Variants in LRRC8C observed in about 807,000 individuals in gnomAD.
The protein encoded by LRRC8C is leucine rich repeat containing 8 VRAC subunit C.
LRRC8C carries 20 observed loss-of-function variants against 55.3 expected under a neutral mutation model. That is an observed-to-expected ratio of 0.36 (90% confidence interval 0.25 to 0.53). The LOEUF is 0.53. Ranked by LOEUF, LRRC8C falls within the 20% of genes least tolerant of loss-of-function variation. The pLI is 0.92. For synonymous variants in LRRC8C, 376 were observed against 360.7 expected, an observed-to-expected ratio of 1.04 and a Z score of -0.48; for missense variants, 659 against 951.4, an observed-to-expected ratio of 0.69 and a Z score of 4.04.
chr1:89,713,822 C>A lies in LRRC8C; in HGVS notation c.1252C>A (p.Leu418Ile). Residue 418 changes from leucine (L) to isoleucine (I), a missense_variant, in exon 3 of 3, where the codon CTA becomes ATA. By Grantham distance (5) the Leu-to-Ile change is conservative. Around this residue, in one of 5 missense-constraint regions of LRRC8C, gnomAD observed 344 missense variants for 464.6 expected, o/e 0.74. Coordinates refer to ENST00000370454, the MANE Select transcript of LRRC8C (RefSeq NM_032270.5). The surrounding 1 kb of genome is among the most constrained non-coding windows in gnomAD (Gnocchi z 5.2). ...EWTPDKLRQKLQTNAHNRLEL... is the reference protein window; with the variant it reads ...EWTPDKLRQKIQTNAHNRLEL... ...GACTCCTGATAAACTGAGGCAGAAG[C>A]TACAGACAAATGCCCATAATCGACT... is the stretch of plus-strand genomic sequence containing the variant. The A allele has an allele frequency of 6.2e-7, 1 of 1,614,186 alleles. No individual in the cohort carries two copies.
chr1:89,652,570 C>A (rs1396392490), intron 1 of LRRC8C, among the ~76,000 whole-genome samples: 2 of 152,146 alleles, frequency 1.3e-5, no homozygotes, highest in East Asian at 3.8e-4. Context: ...AATCAGATAA[C>A]CCCTTATGAT....
At position 89,713,539 on chromosome 1, in the gene LRRC8C, T is replaced by C; in HGVS notation, c.969T>C (p.Tyr323=). 6.2e-7 allele frequency: 1 copy of C among 1,614,190 alleles called. No individual in the cohort carries two copies. Among genetic ancestry groups the C allele is most frequent in the Non-Finnish European group, 8.5e-7 (1 of 1,180,020 alleles). Residue 323 remains tyrosine, a synonymous_variant, in exon 3 of 3, where the codon TAT becomes TAC. Coordinates refer to ENST00000370454, the MANE Select transcript of LRRC8C (RefSeq NM_032270.5). This position sits in a 1 kb window ranked among gnomAD's most constrained non-coding sequence, Gnocchi z 5.2. The part of the protein sequence containing the change: ...AHLFSKLSFC[Y]LCFVSIYGLT... The stretch of plus-strand genomic sequence containing the variant: ...TGTTCTCAAAACTGTCCTTTTGCTA[T>C]CTGTGCTTTGTTAGTATCTATGGAT...
At chr1:89,675,425 A>G (rs1353526107) in intron 1 of LRRC8C, among the ~76,000 whole-genome samples, 4 of 152,256 alleles carry the variant, frequency 2.6e-5, no homozygotes, top group South Asian at 4.1e-4. Context: ...TTCCCCGCAC[A>G]TGGCTTTGCC....
chr1:89,676,793 A>T (rs1427297755), intron 1 of LRRC8C, among the ~76,000 whole-genome samples: 1 of 152,238 alleles, frequency 6.6e-6, no homozygotes, highest in African/African-American at 2.4e-5. Flanking sequence ...AGGAGTTTCA[A>T]TTCATATTTT....
intron 2 of LRRC8C, among the ~76,000 whole-genome samples, chr1:89,709,766 G>C (rs922018510): frequency 3.7e-5 from 3 of 80,472 alleles, no homozygotes; most frequent in African/African-American, 1.3e-4. Context: ...TTTTTTTTTT[G>C]TTTGAGACGG....
chr1:89,712,969 C>T lies in LRRC8C; in HGVS notation c.399C>T (p.Ile133=). 6.2e-7 allele frequency: 1 copy of T among 1,613,628 alleles called. No homozygotes were observed. The highest frequency in any genetic ancestry group is 8.5e-7 in the Non-Finnish European group (1 of 1,180,032). Residue 133 remains isoleucine, a synonymous_variant, in exon 3 of 3, where the codon ATC becomes ATT. Transcript: ENST00000370454. ...YAKYFPYLVL[I]HTLVFMLCSN... is the part of the protein sequence containing the mutation. Reference sequence around the variant, plus strand: ...AGTATTTCCCTTACCTTGTCCTCATCCATACCCTGGTCTTTATGCTCTGCA... The same window carrying T: ...AGTATTTCCCTTACCTTGTCCTCATTCATACCCTGGTCTTTATGCTCTGCA...
At chr1:89,655,257 TC>T (rs1052555036) in intron 1 of LRRC8C, among the ~76,000 whole-genome samples, 1 of 152,124 alleles carries the variant, frequency 6.6e-6, no homozygotes, top group Non-Finnish European at 1.5e-5. Context: ...ATTTCCAAGT[TC>T]TTTTCGGTGT....
At chr1:89,693,646 CTTTTTTTTT>C (rs35427989) in intron 2 of LRRC8C, among the ~76,000 whole-genome samples, 7 of 82,702 alleles carry the variant, frequency 8.5e-5, no homozygotes, top group East Asian at 4.9e-4. Context: ...TCTTTTCTTC[CTTTTTTTTT>C]TTTTTTTTTT....
chr1:89,625,364 T>C, the LRRC8C span, among the ~76,000 whole-genome samples: 6 of 152,206 alleles, frequency 3.9e-5, no homozygotes, highest in Non-Finnish European at 7.3e-5. Flanking sequence ...AGTTGGTCAA[T>C]GAAAGAAATA....
At chr1:89,670,323 A>G (rs1657381066) in intron 1 of LRRC8C, among the ~76,000 whole-genome samples, 1 of 152,032 alleles carries the variant, frequency 6.6e-6, no homozygotes, top group South Asian at 2.1e-4. Flanking sequence ...TCATTTCCGC[A>G]TTTTATCTTG....
chr1:89,638,186 T>A lies in LRRC8C; in HGVS notation c.-5+4864T>A, dbSNP rs146695776. Among the ~76,000 whole-genome samples, 274 of 152,302 alleles carry A rather than the reference T, an allele frequency of 1.8e-3. 9 individuals carry two copies. The East Asian group carries it at 0.051, about 28-fold the overall frequency. ...AGGACTCAGGAGAATAAAAGCTCTT[T>A]CCATACCAGAAGAGGTTGTGAAGGT... On this transcript the variant is annotated intron_variant, in intron 1 of 2. Transcript: ENST00000370454.
intron 1 of LRRC8C, among the ~76,000 whole-genome samples, chr1:89,641,663 T>C (rs947923773): frequency 1.3e-5 from 2 of 152,200 alleles, no homozygotes; most frequent in African/African-American, 4.8e-5. Context: ...TTGAATTTGT[T>C]ACCTACTCAT....
At chr1:89,669,699 C>A (rs913630350) in intron 1 of LRRC8C, among the ~76,000 whole-genome samples, 9 of 152,102 alleles carry the variant, frequency 5.9e-5, no homozygotes, top group African/African-American at 2.2e-4. Flanking sequence ...AGTGACAGAG[C>A]CGGGATACAG....
intron 1 of LRRC8C, 40 bp from the exon 2 acceptor site, chr1:89,686,430 G>T (rs1281983634): frequency 1.9e-6 from 3 of 1,608,646 alleles, no homozygotes; most frequent in African/African-American, 1.3e-5. Context: ...ATGTTGTACT[G>T]GAAGATAAAT....
At chr1:89,680,419 G>A (rs1657672079) in intron 1 of LRRC8C, among the ~76,000 whole-genome samples, 1 of 151,426 alleles carries the variant, frequency 6.6e-6, no homozygotes, top group African/African-American at 2.4e-5. Flanking sequence ...TCTTTGAGAA[G>A]TAAAGTTATG....
intron 1 of LRRC8C, among the ~76,000 whole-genome samples, chr1:89,635,028 T>C (rs1463097379): frequency 6.6e-6 from 1 of 152,254 alleles, no homozygotes; most frequent in Admixed American, 6.5e-5. Context: ...AAGCCTTTAT[T>C]AATAGTACTA....
intron 2 of LRRC8C, among the ~76,000 whole-genome samples, chr1:89,707,305 G>A (rs1658509456): frequency 6.6e-6 from 1 of 152,138 alleles, no homozygotes; most frequent in African/African-American, 2.4e-5. Flanking sequence ...TACTTGGGAG[G>A]CTGAGGCAGA....
intron 2 of LRRC8C, among the ~76,000 whole-genome samples, chr1:89,705,342 G>A (rs1658446993): frequency 6.6e-6 from 1 of 151,206 alleles, no homozygotes; most frequent in African/African-American, 2.4e-5. Flanking sequence ...GTTAGTGGGT[G>A]CAGCGCACCA....
chr1:89,692,223 C>T (rs1052100315), intron 2 of LRRC8C, among the ~76,000 whole-genome samples: 3 of 152,318 alleles, frequency 2.0e-5, no homozygotes, highest in South Asian at 2.1e-4. Context: ...TGATTTTCCA[C>T]TTGTAAATTG....
Sources: gnomAD v4.1 joint callset for allele counts (sites outside exome capture counted in the v4.1 genomes callset) on GRCh38, gnomAD v4.1.1 for gene constraint, gnomAD v4.1.1 regional missense constraint, Gnocchi (gnomAD v3.1) non-coding constraint, MANE v1.5 for transcripts, NCBI Gene and HGNC (gene_info 2026-07-23, HGNC 2026-07-21) for gene names.